The following NRXN3 variants were observed in gnomAD, a reference collection of about 807,000 sequenced individuals.
NRXN3 encodes the protein neurexin 3.
In NRXN3, 32 loss-of-function variants were observed where a neutral mutation model predicts 137.6. The observed-to-expected ratio is 0.23, with a 90% CI of 0.18 to 0.31. NRXN3 has a LOEUF of 0.31. NRXN3 is among the 10% of genes least tolerant of loss of function. NRXN3 has a pLI of 1.00. For missense variants in NRXN3, 1,574 were observed against 2,062.5 expected, an observed-to-expected ratio of 0.76 and a Z score of 4.59; for synonymous variants, 798 against 784.5, an observed-to-expected ratio of 1.02 and a Z score of -0.29.
intron 15 of NRXN3, among the ~76,000 whole-genome samples, chr14:79,126,306 C>G (rs964206921): frequency 6.6e-6 from 1 of 151,740 alleles, no homozygotes; most frequent in Non-Finnish European, 1.5e-5. Flanking sequence ...GGTATATCTC[C>G]CAATGCTATC....
intron 8 of NRXN3, among the ~76,000 whole-genome samples, chr14:78,774,833 A>G (rs1257421934): frequency 6.6e-6 from 1 of 152,130 alleles, no homozygotes; most frequent in Non-Finnish European, 1.5e-5. Flanking sequence ...CTGAGACAGA[A>G]GGATTGCTTG....
chr14:78,548,681 C>A (rs893387031), intron 4 of NRXN3, among the ~76,000 whole-genome samples: 3 of 152,200 alleles, frequency 2.0e-5, no homozygotes, highest in Non-Finnish European at 2.9e-5. Context: ...TTGTCCCCTG[C>A]ACACGTTTTG....
At chr14:78,207,139 CA>C (rs1417775549) in intron 1 of NRXN3, among the ~76,000 whole-genome samples, 1 of 152,164 alleles carries the variant, frequency 6.6e-6, no homozygotes, top group Non-Finnish European at 1.5e-5. Flanking sequence ...GCTGGGATTA[CA>C]GGTGTGAACC....
rs139333541 is a variant in NRXN3 at position 79,319,926 on chromosome 14, G to A, written c.3263-147295G>A. Among the ~76,000 whole-genome samples, 466 of 152,194 alleles carry A rather than the reference G, an allele frequency of 3.1e-3. 14 individuals are homozygous for A. The highest frequency in any genetic ancestry group is 0.028 in the Admixed American group (423 of 15,280). The stretch of plus-strand genomic sequence containing the variant: ...GATATTCCCTGAAATGCCCAAGGGT[G>A]TATTTTGCTTAAAAGCAAGGCTGGC... On this transcript the variant is annotated intron_variant, in intron 15 of 20. Transcript: ENST00000335750.
chr14:78,869,846 G>A (rs1231719790), intron 10 of NRXN3, among the ~76,000 whole-genome samples: 1 of 152,008 alleles, frequency 6.6e-6, no homozygotes, highest in Non-Finnish European at 1.5e-5. Context: ...ATAAATATAT[G>A]GGCCACTGCA....
At chr14:78,478,495 AG>A (rs1396650292) in intron 4 of NRXN3, among the ~76,000 whole-genome samples, 1 of 152,220 alleles carries the variant, frequency 6.6e-6, no homozygotes, top group African/African-American at 2.4e-5. Context: ...AGGATGGAAA[AG>A]CATGACAAAC....
At chr14:79,103,600 C>T (rs1200607807) in intron 15 of NRXN3, among the ~76,000 whole-genome samples, 1 of 152,060 alleles carries the variant, frequency 6.6e-6, no homozygotes. Context: ...GTAGGACAGC[C>T]AGTGACTTTT....
chr14:78,564,327 C>A (rs565700937), intron 4 of NRXN3, among the ~76,000 whole-genome samples: 1 of 152,314 alleles, frequency 6.6e-6, no homozygotes, highest in African/African-American at 2.4e-5. Context: ...CTGTCAAGAG[C>A]AACCTCACAC....
chr14:78,310,762 T>C (rs773660310), intron 4 of NRXN3, among the ~76,000 whole-genome samples: 11 of 152,110 alleles, frequency 7.2e-5, no homozygotes, highest in Non-Finnish European at 1.6e-4. Context: ...GTTAGAGTAC[T>C]GATGTTAGTG....
At chr14:79,692,284 A>G (rs1450880250) in intron 18 of NRXN3, 22 bp downstream of exon 18, 2 of 1,551,972 alleles carry the variant, frequency 1.3e-6, no homozygotes, top group Non-Finnish European at 8.8e-7. Context: ...TAAAACTTTC[A>G]TTTTAAAATC....
rs530701308 is a variant in NRXN3, at chr14:78,343,673, G to A, written c.757+45813G>A. On this transcript the variant is annotated intron_variant, in intron 4 of 20. Transcript: ENST00000335750. ...AAATTCAGTCTCAATTAAAAATCTG[G>A]TGCTTCCTCTAGATCACTCTGGTTA... Among the ~76,000 whole-genome samples, 14 of 152,292 alleles carry A rather than the reference G, an allele frequency of 9.2e-5. 1 individual carries two copies. In the East Asian group the frequency reaches 1.2e-3, roughly 13 times the overall value.
intron 16 of NRXN3, among the ~76,000 whole-genome samples, chr14:79,491,298 A>G (rs1310925971): frequency 6.6e-6 from 1 of 152,164 alleles, no homozygotes; most frequent in Non-Finnish European, 1.5e-5. Context: ...TGATGCCTAC[A>G]CAATCTGCTC....
chr14:78,506,643 GTTTTTTTTT>G (rs71131653), intron 4 of NRXN3, among the ~76,000 whole-genome samples: 17 of 105,410 alleles, frequency 1.6e-4, no homozygotes, highest in Non-Finnish European at 3.0e-4. Flanking sequence ...TCTCATTGTA[GTTTTTTTTT>G]TTTTTTTTTT....
At chr14:78,393,390 C>A (rs1300360049) in intron 4 of NRXN3, among the ~76,000 whole-genome samples, 1 of 151,976 alleles carries the variant, frequency 6.6e-6, no homozygotes, top group Non-Finnish European at 1.5e-5. Flanking sequence ...TCCATCACCA[C>A]AAGGATCCCT....
chr14:79,744,383 C>T (rs1265958394), intron 19 of NRXN3, among the ~76,000 whole-genome samples: 1 of 151,038 alleles, frequency 6.6e-6, no homozygotes, highest in African/African-American at 2.4e-5. Context: ...GTGTCATTCT[C>T]TTCTTCACCT....
intron 4 of NRXN3, among the ~76,000 whole-genome samples, chr14:78,302,980 G>A (rs2077020830): frequency 6.6e-6 from 1 of 152,158 alleles, no homozygotes; most frequent in African/African-American, 2.4e-5. Context: ...CAGTGGTTGA[G>A]AATTGCTTAA....
intron 6 of NRXN3, among the ~76,000 whole-genome samples, chr14:78,705,299 C>T (rs1453915936): frequency 6.6e-6 from 1 of 152,202 alleles, no homozygotes; most frequent in African/African-American, 2.4e-5. Context: ...TTGTACCAGA[C>T]AATAATTTGC....
chr14:78,679,833 T>G (rs150286497), intron 6 of NRXN3, among the ~76,000 whole-genome samples: 2,133 of 152,254 alleles, frequency 0.014, 26 homozygotes, highest in African/African-American at 0.03. Context: ...GGAGATAAAA[T>G]GATGATCAGG....
At chr14:78,919,985 T>C (rs2099266616) in intron 10 of NRXN3, among the ~76,000 whole-genome samples, 1 of 152,258 alleles carries the variant, frequency 6.6e-6, no homozygotes, top group Non-Finnish European at 1.5e-5. Context: ...ATTTGTAGCA[T>C]AGCATTCTAC....
Sources: gnomAD v4.1 joint callset for allele counts (sites outside exome capture counted in the v4.1 genomes callset) on GRCh38, gnomAD v4.1.1 for gene constraint, MANE v1.5 for transcripts, NCBI Gene and HGNC (gene_info 2026-07-23, HGNC 2026-07-21) for gene names.